The following EYS variants were observed in gnomAD, a reference collection of about 807,000 sequenced individuals.
EYS encodes the protein protein eyes shut homolog.
EYS carries 250 observed loss-of-function variants against 282.1 expected under a neutral mutation model. The observed-to-expected ratio is 0.89, with a 90% confidence interval of 0.80 to 0.98. The LOEUF is 0.98. EYS is among the 50% of genes least tolerant of loss of function. The pLI is 0.00. For missense variants in EYS, 4,016 were observed against 3,709.0 expected (o/e 1.08, Z -2.15); for synonymous variants, 1,355 against 1,282.9 (o/e 1.06, Z -1.20).
chr6:65,555,969 C>T (rs767291065), intron 2 of EYS, among the ~76,000 whole-genome samples: 1 of 152,082 alleles, frequency 6.6e-6, no homozygotes, highest in African/African-American at 2.4e-5. Context: ...TTTAACATGG[C>T]TACTAGAAAT....
chr6:63,840,792 A>C (rs1771935609), intron 36 of EYS, among the ~76,000 whole-genome samples: 1 of 152,128 alleles, frequency 6.6e-6, no homozygotes, highest in Non-Finnish European at 1.5e-5. Context: ...TATTGAAGAC[A>C]CTGTCTTTTC....
intron 12 of EYS, among the ~76,000 whole-genome samples, chr6:65,096,624 A>G (rs1774746625): frequency 6.6e-6 from 1 of 150,996 alleles, no homozygotes; most frequent in African/African-American, 2.4e-5. Context: ...AATTTTTGGT[A>G]GTGTTGTGTT....
chr6:65,444,155 C>T (rs1378051307), intron 5 of EYS, among the ~76,000 whole-genome samples: 4 of 151,882 alleles, frequency 2.6e-5, no homozygotes, highest in Non-Finnish European at 5.9e-5. Flanking sequence ...TTCCTTAACC[C>T]ACATATTCCC....
At chr6:65,670,349 G>C (rs1022514354) in intron 1 of EYS, among the ~76,000 whole-genome samples, 3 of 152,058 alleles carry the variant, frequency 2.0e-5, no homozygotes, top group African/African-American at 7.2e-5. Flanking sequence ...TTTGGGTTTA[G>C]GGGTGGTAAG....
At chr6:64,015,570 A>G (rs1768851908) in intron 33 of EYS, among the ~76,000 whole-genome samples, 1 of 152,234 alleles carries the variant, frequency 6.6e-6, no homozygotes, top group Admixed American at 6.5e-5. Context: ...TCAGGGAAAT[A>G]ATTTAAAATA....
chr6:65,155,004 C>T (rs1244399982), intron 12 of EYS, among the ~76,000 whole-genome samples: 3 of 151,418 alleles, frequency 2.0e-5, no homozygotes, highest in Non-Finnish European at 4.4e-5. Context: ...GGAAAATAAG[C>T]TCATATAATA....
intron 12 of EYS, among the ~76,000 whole-genome samples, chr6:65,293,980 A>T (rs1203255307): frequency 6.6e-6 from 1 of 151,758 alleles, no homozygotes; most frequent in Non-Finnish European, 1.5e-5. Flanking sequence ...AGACGGAGGG[A>T]GAGAAAGCAA....
chr6:63,779,081 T>G (rs1770139521), intron 39 of EYS: 1 of 152,010 alleles, frequency 6.6e-6, no homozygotes, highest in African/African-American at 2.4e-5. Context: ...GTTTTTTTTT[T>G]TTTTAGGTAA....
chr6:63,787,976 C>A, intron 39 of EYS, 129 bp downstream of exon 39: 2 of 667,282 alleles, frequency 3.0e-6, no homozygotes, highest in Non-Finnish European at 4.7e-6. Flanking sequence ...TGATTAAAAT[C>A]AAACTTTGTT....
At position 63,726,672 on chromosome 6, in the gene EYS, T is replaced by C. The variant is rs35504565; in HGVS notation, c.8080A>G (p.Ile2694Val). The C allele has an allele frequency of 4.3e-4, 664 of 1,550,996 alleles. No homozygotes were observed. The highest frequency in any genetic ancestry group is 5.5e-4 in the Non-Finnish European group (631 of 1,146,580). The change falls in exon 42 of 43, where the codon ATA (isoleucine) becomes GTA (valine). Residue 2694 changes from isoleucine to valine, a missense_variant. Transcript: ENST00000503581. Reference protein sequence around the residue: ...TGIYCEQALSISDPSFRSNEL... With the variant: ...TGIYCEQALSVSDPSFRSNEL... ...TTGCTTCTGAAAGATGGATCACTTA[T>C]GGATAAAGCTGAGGGAAGGAGAGAA... is the stretch of plus-strand genomic sequence containing the variant.
chr6:64,174,437 C>T (rs1366540893), intron 31 of EYS, among the ~76,000 whole-genome samples: 4 of 151,768 alleles, frequency 2.6e-5, no homozygotes, highest in African/African-American at 2.4e-5. Context: ...ACTTAAATTG[C>T]AAGATGTAAT....
chr6:65,395,871 C>A (rs1461539449), intron 7 of EYS, among the ~76,000 whole-genome samples: 1 of 152,058 alleles, frequency 6.6e-6, no homozygotes, highest in African/African-American at 2.4e-5. Context: ...CTCTCAACCC[C>A]AATTGCCTGA....
chr6:65,634,780 G>A (rs1037446751), intron 2 of EYS, among the ~76,000 whole-genome samples: 6 of 152,074 alleles, frequency 3.9e-5, no homozygotes, highest in African/African-American at 1.2e-4. Context: ...TATTTCCTGA[G>A]GCCCTGCAAG....
At chr6:64,720,645 G>C (rs1771546998) in intron 22 of EYS, among the ~76,000 whole-genome samples, 1 of 152,084 alleles carries the variant, frequency 6.6e-6, no homozygotes, top group African/African-American at 2.4e-5. Flanking sequence ...TCATTAATGA[G>C]ACAATAGGCT....
At chr6:65,030,161 G>A (rs1254105784) in intron 13 of EYS, among the ~76,000 whole-genome samples, 1 of 152,098 alleles carries the variant, frequency 6.6e-6, no homozygotes, top group Non-Finnish European at 1.5e-5. Context: ...TGTCAGACCT[G>A]GACAAAGCAG....
chr6:64,841,439 A>G (rs1765560614), intron 19 of EYS, among the ~76,000 whole-genome samples: 1 of 152,122 alleles, frequency 6.6e-6, no homozygotes, highest in South Asian at 2.1e-4. Context: ...GATCTGTGTT[A>G]TTTATATTTC....
At chr6:65,135,245 A>G (rs1775991289) in intron 12 of EYS, among the ~76,000 whole-genome samples, 1 of 152,058 alleles carries the variant, frequency 6.6e-6, no homozygotes, top group African/African-American at 2.4e-5. Flanking sequence ...CACCTTTTTA[A>G]TTCTTAGAAT....
intron 4 of EYS, chr6:65,491,440 AAT>A (rs1442494889): frequency 3.2e-6 from 1 of 312,116 alleles, no homozygotes; most frequent in Non-Finnish European, 6.4e-6. Context: ...GTAATTTGGC[AAT>A]ATGTTTTTTT....
At chr6:64,931,174 G>A (rs757395512) in intron 15 of EYS, among the ~76,000 whole-genome samples, 74 of 152,084 alleles carry the variant, frequency 4.9e-4, no homozygotes, top group South Asian at 1.0e-3. Flanking sequence ...TCCATCAGAC[G>A]TTCATTTATC....
Sources: gnomAD v4.1 joint callset for allele counts (sites outside exome capture counted in the v4.1 genomes callset) on GRCh38, gnomAD v4.1.1 for gene constraint, MANE v1.5 for transcripts, NCBI Gene and HGNC (gene_info 2026-07-23, HGNC 2026-07-21) for gene names.